Variants in ANO2 observed in about 807,000 individuals in gnomAD.
ANO2 encodes anoctamin 2.
Under a neutral mutation model 124.2 loss-of-function variants are expected in ANO2, and 101 were observed. The ratio of observed to expected loss-of-function variants is 0.81; its 90% CI spans 0.69 to 0.96. The LOEUF (loss-of-function observed/expected upper bound fraction) is 0.96, where lower values mean the gene tolerates loss of function less well. ANO2 is among the 40% of genes least tolerant of loss of function. The probability of loss-of-function intolerance (pLI) is 0.00; values close to 1 mark genes in which losing one functional copy is unlikely to be tolerated. For synonymous variants in ANO2, 486 were observed against 482.5 expected, an observed-to-expected ratio of 1.01 and a Z score of -0.09; for missense variants, 1,293 against 1,274.5, an observed-to-expected ratio of 1.01 and a Z score of -0.22.
intron 3 of ANO2, among the ~76,000 whole-genome samples, chr12:5,891,427 C>A (rs1939390128): frequency 6.6e-6 from 1 of 152,128 alleles, no homozygotes; most frequent in Non-Finnish European, 1.5e-5. Context: ...GACACAGGTG[C>A]AGTTTTGGGA....
intron 1 of ANO2, among the ~76,000 whole-genome samples, chr12:5,928,534 ACTCGT>A (rs1171117901): frequency 4.3e-4 from 63 of 146,012 alleles, no homozygotes; most frequent in Middle Eastern, 3.5e-3. Context: ...TTCCTTCCTT[ACTCGT>A]CTACCTTCTT....
chr12:5,927,755 T>C (rs968041787), intron 1 of ANO2, among the ~76,000 whole-genome samples: 4 of 152,232 alleles, frequency 2.6e-5, no homozygotes, highest in African/African-American at 7.2e-5. Flanking sequence ...GCAGAGGTCA[T>C]AGCCTGAAGG....
At chr12:5,634,946 A>T (rs548450297) in intron 16 of ANO2, among the ~76,000 whole-genome samples, 2 of 152,316 alleles carry the variant, frequency 1.3e-5, no homozygotes, top group East Asian at 3.9e-4. Flanking sequence ...GATCAAGAAC[A>T]TTACAGGAAG....
intron 7 of ANO2, among the ~76,000 whole-genome samples, chr12:5,813,101 G>A (rs1953489088): frequency 6.6e-6 from 1 of 152,074 alleles, no homozygotes; most frequent in South Asian, 2.1e-4. Flanking sequence ...AGAGAGGAAG[G>A]AAGGAAAGGA....
intron 20 of ANO2, among the ~76,000 whole-genome samples, chr12:5,582,483 T>A (rs1942805653): frequency 6.6e-6 from 1 of 152,142 alleles, no homozygotes. Flanking sequence ...AAGACAATAT[T>A]CAACAAGGAC....
chr12:5,699,509 C>T (rs1202436343), intron 14 of ANO2, among the ~76,000 whole-genome samples: 2 of 152,054 alleles, frequency 1.3e-5, no homozygotes, highest in Non-Finnish European at 2.9e-5. Context: ...TAAAGACCAT[C>T]GAGACTAGGA....
chr12:5,652,997 A>G lies in ANO2; in HGVS notation c.1546-5196T>C, dbSNP rs985227312. On this transcript the variant is annotated intron_variant, in intron 14 of 24. Coordinates refer to ENST00000682330, the MANE Select transcript of ANO2 (RefSeq NM_001364791.2). ...CTAGGTTTTTAATCCAGATTTTTAT[A>G]TTTTGAATTTGCTTAAAGCAGGACT... 3.3e-5 allele frequency among the ~76,000 whole-genome samples: 5 copies of G among 152,250 alleles called. No individual in the cohort carries two copies. In the East Asian group the frequency reaches 9.7e-4, roughly 29 times the overall value.
At chr12:5,788,505 A>G (rs1361894574) in intron 10 of ANO2, among the ~76,000 whole-genome samples, 1 of 152,232 alleles carries the variant, frequency 6.6e-6, no homozygotes, top group African/African-American at 2.4e-5. Context: ...GGCACAGAGA[A>G]GGTGCTCGAT....
chr12:5,612,200 G>A (rs755033748), intron 19 of ANO2, among the ~76,000 whole-genome samples: 5 of 152,140 alleles, frequency 3.3e-5, no homozygotes, highest in Admixed American at 6.6e-5. Context: ...GAATCCACAT[G>A]ATAATAACTC....
At chr12:5,901,273 G>C (rs1057442351) in intron 3 of ANO2, among the ~76,000 whole-genome samples, 1 of 152,200 alleles carries the variant, frequency 6.6e-6, no homozygotes, top group African/African-American at 2.4e-5. Context: ...GACAGCATTT[G>C]GACAGGAGCT....
chr12:5,686,499 A>G (rs1357658347), intron 14 of ANO2, among the ~76,000 whole-genome samples: 1 of 152,220 alleles, frequency 6.6e-6, no homozygotes, highest in Non-Finnish European at 1.5e-5. Flanking sequence ...ACTGTTAAGG[A>G]GTGCCACAAA....
rs190149902 is a variant in ANO2, at chr12:5,754,201, G to A, written c.1056-3231C>T. Reference sequence around the variant, plus strand: ...TTTCTCCATCTATTGAGATGTTCATGTGATTTTTATCTTCATTTATTGATT... The same window carrying A: ...TTTCTCCATCTATTGAGATGTTCATATGATTTTTATCTTCATTTATTGATT... On this transcript the variant is annotated intron_variant, in intron 10 of 24. Transcript: ENST00000682330. Among the ~76,000 whole-genome samples, 30 of 152,134 alleles carry A rather than the reference G, an allele frequency of 2.0e-4. 1 individual carries two copies. The highest frequency in any genetic ancestry group is 7.0e-4 in the African/African-American group (29 of 41,532).
At chr12:5,711,184 A>C (rs1229244286) in intron 14 of ANO2, among the ~76,000 whole-genome samples, 2 of 151,654 alleles carry the variant, frequency 1.3e-5, no homozygotes, top group African/African-American at 4.9e-5. Context: ...ATTGATCCCT[A>C]ATGTTGGAGG....
At chr12:5,759,248 T>A (rs1041362341) in intron 10 of ANO2, among the ~76,000 whole-genome samples, 14 of 151,748 alleles carry the variant, frequency 9.2e-5, no homozygotes, top group East Asian at 7.7e-4. Flanking sequence ...CATACTTAGA[T>A]ACGTCATAGT....
intron 22 of ANO2, among the ~76,000 whole-genome samples, chr12:5,577,413 G>A (rs1453573008): frequency 1.3e-5 from 2 of 152,268 alleles, no homozygotes; most frequent in African/African-American, 4.8e-5. Flanking sequence ...GGCCCAGCAG[G>A]ATTTCCTCTG....
chr12:5,936,529 G>GAGC (rs1158131525), intron 1 of ANO2, among the ~76,000 whole-genome samples: 1 of 152,198 alleles, frequency 6.6e-6, no homozygotes, highest in Non-Finnish European at 1.5e-5. Flanking sequence ...TGGAAGCAGA[G>GAGC]AGCAGCTGTC....
chr12:5,865,348 T>C (rs990232493), intron 3 of ANO2, among the ~76,000 whole-genome samples: 1 of 150,936 alleles, frequency 6.6e-6, no homozygotes, highest in African/African-American at 2.5e-5. Flanking sequence ...CACACCATCA[T>C]GCCATGACAC....
intron 4 of ANO2, among the ~76,000 whole-genome samples, chr12:5,841,317 C>T (rs1000246407): frequency 2.6e-5 from 4 of 152,188 alleles, no homozygotes; most frequent in African/African-American, 9.6e-5. Flanking sequence ...GCTGCCCATT[C>T]CCCTCCACCC....
chr12:5,816,930 A>C (rs1452530922), intron 7 of ANO2, among the ~76,000 whole-genome samples: 1 of 152,220 alleles, frequency 6.6e-6, no homozygotes, highest in Admixed American at 6.5e-5. Flanking sequence ...CCGTTTCTCT[A>C]ACATCATTTG....
Sources: allele counts gnomAD v4.1 joint callset (sites outside exome capture counted in the v4.1 genomes callset), GRCh38; gene constraint gnomAD v4.1.1; transcripts MANE v1.5; gene names NCBI Gene and HGNC (gene_info 2026-07-23, HGNC 2026-07-21).